RNF157: variants seen among roughly 807,000 people sequenced by gnomAD.
RNF157 encodes ring finger protein 157, also known as E3 ubiquitin ligase RNF157.
RNF157 carries 55 observed loss-of-function variants against 88.3 expected under a neutral mutation model. That is an observed-to-expected ratio of 0.62 (90% confidence interval 0.50 to 0.78). The LOEUF (loss-of-function observed/expected upper bound fraction) is 0.78. Ranked by LOEUF, RNF157 falls within the 30% of genes least tolerant of loss-of-function variation. RNF157 has a pLI of 0.00. For synonymous variants in RNF157, 334 were observed against 341.2 expected, an observed-to-expected ratio of 0.98 and a Z score of 0.23; for missense variants, 788 against 860.8, an observed-to-expected ratio of 0.92 and a Z score of 1.06.
At chr17:76,208,081 A>C (rs73362572) in intron 2 of RNF157, among the ~76,000 whole-genome samples, 4,549 of 151,640 alleles carry the variant, frequency 0.03, 198 homozygotes, top group African/African-American at 0.1. Flanking sequence ...ACGCCTGGCT[A>C]ATTTTTATCA....
intron 2 of RNF157, among the ~76,000 whole-genome samples, chr17:76,191,428 C>A (rs1213438529): frequency 6.6e-6 from 1 of 151,828 alleles, no homozygotes. Context: ...CTGGCCAAAA[C>A]CCTGTCTCTA....
At chr17:76,201,398 G>C (rs1490221833) in intron 2 of RNF157, among the ~76,000 whole-genome samples, 1 of 151,694 alleles carries the variant, frequency 6.6e-6, no homozygotes, top group African/African-American at 2.4e-5. Flanking sequence ...TGTAGTCCCA[G>C]CTACCAGGAA....
At chr17:76,232,837 C>T (rs2070216553) in intron 1 of RNF157, among the ~76,000 whole-genome samples, 1 of 152,176 alleles carries the variant, frequency 6.6e-6, no homozygotes, top group Non-Finnish European at 1.5e-5. Context: ...TTATATTTCC[C>T]TAATGGCTGC....
intron 1 of RNF157, among the ~76,000 whole-genome samples, chr17:76,228,222 G>A (rs573307042): frequency 4.6e-5 from 7 of 152,174 alleles, no homozygotes; most frequent in East Asian, 1.9e-4. Flanking sequence ...ACTGAACAAC[G>A]GTAGCTTCAC....
chr17:76,192,672 G>A (rs997350645), intron 2 of RNF157, among the ~76,000 whole-genome samples: 6 of 152,062 alleles, frequency 3.9e-5, no homozygotes, highest in African/African-American at 1.4e-4. Context: ...TTAAATTAAG[G>A]GTTTGTGGAG....
Position 76,237,273 on chromosome 17 carries a change from A to G in RNF157, c.88+2880T>C, listed in dbSNP as rs536422392. On this transcript the variant is annotated intron_variant, in intron 1 of 18. Transcript: ENST00000269391. ...AAGAAAAAAGCAATTTCAGCTGGAC[A>G]CTGTGACCGTCATTACAAGGACAGA... Among the ~76,000 whole-genome samples the G allele has an allele frequency of 1.3e-5, 2 of 152,370 alleles. 1 individual carries two copies. The highest frequency in any genetic ancestry group is 4.8e-5 in the African/African-American group (2 of 41,596).
At chr17:76,201,521 T>G (rs1166366212) in intron 2 of RNF157, among the ~76,000 whole-genome samples, 3 of 151,224 alleles carry the variant, frequency 2.0e-5, no homozygotes, top group Non-Finnish European at 2.9e-5. Context: ...AAAAAAAAAA[T>G]AAAGAAAATT....
At chr17:76,236,340 GCTTTTATCAATGTGGA>G (rs1203731000) in intron 1 of RNF157, among the ~76,000 whole-genome samples, 2 of 152,170 alleles carry the variant, frequency 1.3e-5, no homozygotes, top group Admixed American at 6.5e-5. Context: ...GAGAAAACAG[GCTTTTATCAATGTGGA>G]CTTTTATCAA....
At chr17:76,172,470 A>G (rs2069029889) in intron 3 of RNF157, among the ~76,000 whole-genome samples, 2 of 152,008 alleles carry the variant, frequency 1.3e-5, no homozygotes, top group Admixed American at 1.3e-4. Flanking sequence ...GCATGCCTGT[A>G]ATCACAGCTA....
chr17:76,178,537 G>A (rs2069140580), intron 2 of RNF157, among the ~76,000 whole-genome samples: 1 of 152,252 alleles, frequency 6.6e-6, no homozygotes, highest in South Asian at 2.1e-4. Flanking sequence ...CAGCCTGTCA[G>A]GCCAAGTGGG....
intron 18 of RNF157, among the ~76,000 whole-genome samples, chr17:76,147,776 G>A (rs1249043190): frequency 6.6e-6 from 1 of 152,170 alleles, no homozygotes; most frequent in Non-Finnish European, 1.5e-5. Context: ...AGCAGGTGCC[G>A]CCATTTTGTC....
chr17:76,207,081 A>G (rs1333892787), intron 2 of RNF157, among the ~76,000 whole-genome samples: 4 of 152,068 alleles, frequency 2.6e-5, no homozygotes, highest in African/African-American at 9.6e-5. Context: ...ATATACACAC[A>G]CTCTAGTTTC....
chr17:76,185,471 C>CTCTCTTTTTTTTTTTTTT (rs1214764584), intron 2 of RNF157, among the ~76,000 whole-genome samples: 2 of 144,368 alleles, frequency 1.4e-5, no homozygotes, highest in African/African-American at 5.5e-5. Flanking sequence ...GAGATTAGTC[C>CTCTCTTTTTTTTTTTTTT]TTTCTTTTTT....
At chr17:76,166,324 G>A (rs1330896841) in intron 6 of RNF157, 137 bp downstream of exon 6, 1 of 736,094 alleles carries the variant, frequency 1.4e-6, no homozygotes, top group Non-Finnish European at 2.4e-6. Context: ...ACAGATGTGA[G>A]AGGATGCAGA....
intron 1 of RNF157, among the ~76,000 whole-genome samples, chr17:76,220,637 T>G (rs1198852680): frequency 6.6e-6 from 1 of 151,870 alleles, no homozygotes; most frequent in African/African-American, 2.4e-5. Context: ...GGCAAGACAC[T>G]GTCTCTACAA....
In RNF157 at chr17:76,173,661, G is replaced by A. The variant is rs1020276620; in HGVS notation, c.296+41C>T. 2.7e-6 allele frequency: 4 copies of A among 1,489,970 alleles called. No individual in the cohort carries two copies. In the African/African-American group the frequency reaches 5.6e-5, roughly 21 times the overall value. The allele number at this position is 1,489,970 out of a possible 1,614,324, so 92.3% of individuals were successfully genotyped here. A position where few individuals can be genotyped will look rare whatever the true frequency, so the allele number is the denominator to read the frequency against. ...TCCCCCAGCCCCCAGCCTCCCCAAAGGAAGGTGCCTGGGACCTGGCCCCAG... is the reference window on the plus strand; with the variant it reads ...TCCCCCAGCCCCCAGCCTCCCCAAAAGAAGGTGCCTGGGACCTGGCCCCAG... On this transcript the variant is annotated intron_variant, in intron 3 of 18. Coordinates refer to ENST00000269391, the MANE Select transcript of RNF157 (RefSeq NM_052916.3).
intron 1 of RNF157, among the ~76,000 whole-genome samples, chr17:76,220,752 G>A (rs2069968920): frequency 6.6e-6 from 1 of 152,120 alleles, no homozygotes; most frequent in East Asian, 1.9e-4. Context: ...GAGGTCAGGA[G>A]TTTGACACCA....
intron 2 of RNF157, among the ~76,000 whole-genome samples, chr17:76,192,925 G>A (rs2069411184): frequency 6.7e-6 from 1 of 149,824 alleles, no homozygotes; most frequent in Non-Finnish European, 1.5e-5. Flanking sequence ...CAACCTCTCA[G>A]GCTCAAGTGA....
chr17:76,222,399 T>TGTCTGA (rs1568073927), intron 1 of RNF157, among the ~76,000 whole-genome samples: 1 of 151,590 alleles, frequency 6.6e-6, no homozygotes, highest in East Asian at 1.9e-4. Flanking sequence ...TGCAACACTG[T>TGTCTGA]GAATGTTCAA....
Sources: gnomAD v4.1 joint callset for allele counts (sites outside exome capture counted in the v4.1 genomes callset) on GRCh38, gnomAD v4.1.1 for gene constraint, MANE v1.5 for transcripts, NCBI Gene and HGNC (gene_info 2026-07-23, HGNC 2026-07-21) for gene names.